The following TTLL7 variants were observed in gnomAD, a reference collection of about 807,000 sequenced individuals.
The protein encoded by TTLL7 is tubulin tyrosine ligase like 7.
Under a neutral mutation model 120.2 loss-of-function variants are expected in TTLL7, and 53 were observed. That is an observed-to-expected ratio of 0.44 (90% CI 0.35 to 0.55). The LOEUF is 0.55. TTLL7 is among the 20% of genes least tolerant of loss of function. The pLI, the probability that TTLL7 is intolerant of heterozygous loss-of-function variation, is 0.00. For missense variants in TTLL7, 803 were observed against 1,054.7 expected, an observed-to-expected ratio of 0.76 and a Z score of 3.31; for synonymous variants, 353 against 351.7, an observed-to-expected ratio of 1.00 and a Z score of -0.04.
At chr1:83,917,540 T>G in intron 14 of TTLL7, 64 bp downstream of exon 14, 42 of 1,177,502 alleles carry the variant, frequency 3.6e-5, no homozygotes, top group Non-Finnish European at 5.0e-5. Flanking sequence ...TTTCTTATAG[T>G]GAGAAGTATC....
chr1:83,931,367 A>G (rs1235810862), intron 9 of TTLL7, among the ~76,000 whole-genome samples: 1 of 152,078 alleles, frequency 6.6e-6, no homozygotes, highest in Non-Finnish European at 1.5e-5. Flanking sequence ...CCTCTGCACC[A>G]CAGCCTTTCC....
chr1:83,995,273 G>T (rs1653380274), intron 1 of TTLL7, among the ~76,000 whole-genome samples: 1 of 151,926 alleles, frequency 6.6e-6, no homozygotes, highest in African/African-American at 2.4e-5. Flanking sequence ...GTTTGGATAT[G>T]GGTCCCTATC....
intron 1 of TTLL7, among the ~76,000 whole-genome samples, chr1:83,958,305 G>T (rs773447589): frequency 6.6e-6 from 1 of 152,116 alleles, no homozygotes; most frequent in Non-Finnish European, 1.5e-5. Context: ...TATGTCTCAA[G>T]ATAATCTTCT....
chr1:83,937,350 C>T (rs578127086), intron 8 of TTLL7, among the ~76,000 whole-genome samples: 6 of 152,066 alleles, frequency 3.9e-5, no homozygotes, highest in South Asian at 2.1e-4. Flanking sequence ...TACAGGAGCG[C>T]GCCACCACAT....
chr1:83,871,316 T>C (rs1458692738), intron 20 of TTLL7, among the ~76,000 whole-genome samples: 2 of 152,184 alleles, frequency 1.3e-5, no homozygotes, highest in Non-Finnish European at 2.9e-5. Flanking sequence ...TGTGCACCTG[T>C]AGAATCTGTT....
intron 19 of TTLL7, among the ~76,000 whole-genome samples, chr1:83,884,737 G>C (rs113959075): frequency 7.9e-5 from 9 of 113,854 alleles, no homozygotes; most frequent in East Asian, 2.6e-4. Flanking sequence ...GTGGGGGGAG[G>C]GGGGAGGGAT....
intron 1 of TTLL7, among the ~76,000 whole-genome samples, chr1:83,975,650 C>T (rs893036503): frequency 3.3e-5 from 5 of 152,092 alleles, no homozygotes; most frequent in East Asian, 1.9e-4. Flanking sequence ...CATAGCATGT[C>T]GCTTTTTGAA....
chr1:83,977,518 A>G (rs1376083886), intron 1 of TTLL7, among the ~76,000 whole-genome samples: 1 of 152,108 alleles, frequency 6.6e-6, no homozygotes, highest in African/African-American at 2.4e-5. Context: ...TACTTTATGC[A>G]GCCTGACTTA....
rs770176060 is a variant in TTLL7 at position 83,997,331 on chromosome 1, G to GT, written c.-177+1599dup. Among the ~76,000 whole-genome samples the GT allele has an allele frequency of 2.2e-4, 34 of 152,274 alleles. No individual in the cohort carries two copies. In the Middle Eastern group the frequency reaches 0.01, roughly 46 times the overall value. On this transcript the variant is annotated intron_variant, in intron 1 of 20. Coordinates refer to ENST00000260505, the MANE Select transcript of TTLL7 (RefSeq NM_024686.6). ...AGATGCATTTCTTAAGAAAAAATCT[G>GT]TAAGTCGCTAATGAAAGCAAGTCAA...
At chr1:83,900,907 CAT>C (rs1453687457) in intron 18 of TTLL7, among the ~76,000 whole-genome samples, 2 of 151,952 alleles carry the variant, frequency 1.3e-5, no homozygotes, top group Non-Finnish European at 2.9e-5. Flanking sequence ...AATTTTTGCT[CAT>C]ATGATGTTTT....
Position 83,906,415 on chromosome 1 carries a change from T to C in TTLL7, c.2041A>G (p.Thr681Ala), listed in dbSNP as rs778943009. The C allele has an allele frequency of 3.1e-6, 5 of 1,612,240 alleles. No individual in the cohort carries two copies. In the Admixed American group the frequency reaches 8.4e-5, roughly 27 times the overall value. ...LKTKEQEDDL[T>A]SQTLFVLKDM... ...TTGAGAACAAATAAGGTCTGACTTGTTAGATCATCTTCTTGTTCTTTTGTT... is the reference window on the plus strand; with the variant it reads ...TTGAGAACAAATAAGGTCTGACTTGCTAGATCATCTTCTTGTTCTTTTGTT... Residue 681 changes from threonine (T) to alanine (A), a missense_variant, in exon 17 of 21, where the codon ACA becomes GCA. This residue lies in a region of TTLL7 where 388 missense variants were observed against 450.4 expected (regional missense o/e 0.86). Transcript: ENST00000260505.
intron 1 of TTLL7, among the ~76,000 whole-genome samples, chr1:83,998,128 C>T (rs1438460423): frequency 6.6e-6 from 1 of 152,124 alleles, no homozygotes. Flanking sequence ...GTGGAAAATC[C>T]ATGGACTATA....
At chr1:83,894,563 A>G (rs976543843) in intron 18 of TTLL7, among the ~76,000 whole-genome samples, 25 of 152,110 alleles carry the variant, frequency 1.6e-4, no homozygotes, top group African/African-American at 5.8e-4. Flanking sequence ...ATTTAGAGGG[A>G]ATTTTAATAG....
At position 83,867,162 on chromosome 1, in the gene TTLL7, ATGTTT is replaced by A. The variant is rs955081940; in HGVS notation, c.*2795_*2799del. 6.6e-6 allele frequency: 1 copy of A among 152,016 alleles called. No individual in the cohort carries two copies. Among genetic ancestry groups the A allele is most frequent in the Admixed American group, 6.6e-5 (1 of 15,256 alleles). The allele number at this position is 152,016 out of a possible 1,614,324, so 9.4% of individuals were successfully genotyped here. A position where few individuals can be genotyped will look rare whatever the true frequency, so the allele number is the denominator to read the frequency against. On this transcript the variant is annotated 3_prime_UTR_variant, in exon 21 of 21. Coordinates refer to ENST00000260505, the MANE Select transcript of TTLL7 (RefSeq NM_024686.6). The stretch of plus-strand genomic sequence containing the variant: ...CACCTGTACAATCACTTATGCTTAT[ATGTTT>A]TAACCTATGAATAAAAATTTATAAT...
At chr1:83,934,970 G>A (rs1647260131) in intron 8 of TTLL7, among the ~76,000 whole-genome samples, 1 of 152,026 alleles carries the variant, frequency 6.6e-6, no homozygotes, top group Admixed American at 6.6e-5. Flanking sequence ...TTATATATCA[G>A]GTTAGACTCA....
At chr1:83,933,517 G>T in intron 9 of TTLL7, 91 bp downstream of exon 9, 1 of 1,346,834 alleles carries the variant, frequency 7.4e-7, no homozygotes, top group Non-Finnish European at 1.0e-6. Context: ...ACAGTTAATG[G>T]GACAACTGTG....
intron 20 of TTLL7, among the ~76,000 whole-genome samples, chr1:83,872,589 G>A (rs192426182): frequency 5.9e-5 from 9 of 152,204 alleles, no homozygotes; most frequent in African/African-American, 1.9e-4. Flanking sequence ...AAACAGTAAC[G>A]TCTACCAACT....
At chr1:83,944,814 C>T (rs1307288955) in intron 6 of TTLL7, among the ~76,000 whole-genome samples, 1 of 152,170 alleles carries the variant, frequency 6.6e-6, no homozygotes, top group Non-Finnish European at 1.5e-5. Flanking sequence ...AGTTATAAAT[C>T]TATGCTGATG....
At chr1:83,892,609 T>TATGAACATATGA (rs1557566150) in intron 18 of TTLL7, among the ~76,000 whole-genome samples, 5 of 120,830 alleles carry the variant, frequency 4.1e-5, no homozygotes, top group Non-Finnish European at 9.1e-5. Flanking sequence ...TGAACATATA[T>TATGAACATATGA]ATGAACATAT....
Sources: gnomAD v4.1 joint callset for allele counts (sites outside exome capture counted in the v4.1 genomes callset) on GRCh38, gnomAD v4.1.1 for gene constraint, gnomAD v4.1.1 regional missense constraint, MANE v1.5 for transcripts, NCBI Gene and HGNC (gene_info 2026-07-23, HGNC 2026-07-21) for gene names.